Variants in PTPRD observed in about 807,000 individuals in gnomAD.
The protein encoded by PTPRD is protein tyrosine phosphatase receptor type D.
In PTPRD, 34 loss-of-function variants were observed where a neutral mutation model predicts 214.5. That is an observed-to-expected ratio of 0.16 (90% CI 0.12 to 0.21). The LOEUF is 0.21. Among genes scored for constraint, PTPRD ranks in the 10% least tolerant of loss-of-function variants. PTPRD has a pLI of 1.00. For missense variants in PTPRD, 2,545 were observed against 2,398.7 expected (o/e 1.06, Z -1.27); for synonymous variants, 1,128 against 845.7 (o/e 1.33, Z -5.79).
rs753847764 is a variant in PTPRD, at chr9:10,503,193, C to CAAAAAAAAA, written c.-600+109196_-600+109204dup. 6.7e-3 allele frequency among the ~76,000 whole-genome samples: 463 copies of CAAAAAAAAA among 68,932 alleles called. 53 individuals are homozygous for CAAAAAAAAA. The highest frequency in any genetic ancestry group is 0.01 in the South Asian group (13 of 1,272). The allele number at this position is 68,932 out of a possible 152,430, so 45.2% of individuals were successfully genotyped here. A position where few individuals can be genotyped will look rare whatever the true frequency, so the allele number is the denominator to read the frequency against. Reference sequence around the variant, plus strand: ...AATTCATTGAGACACAGCTGCAATACAAAAAAAAAAAAAACAAAAAAAAAC... The same window carrying CAAAAAAAAA: ...AATTCATTGAGACACAGCTGCAATACAAAAAAAAAAAAAAAAAAAAAAACAAAAAAAAAC... On this transcript the variant is annotated intron_variant, in intron 2 of 45. Transcript: ENST00000381196.
intron 3 of PTPRD, among the ~76,000 whole-genome samples, chr9:10,274,436 T>A (rs750667421): frequency 3.9e-5 from 6 of 152,156 alleles, no homozygotes; most frequent in Non-Finnish European, 8.8e-5. Context: ...AATAGTTTCC[T>A]GCAACCATTA....
intron 12 of PTPRD, among the ~76,000 whole-genome samples, chr9:8,661,251 A>C (rs2154354398): frequency 6.6e-6 from 1 of 152,246 alleles, no homozygotes; most frequent in East Asian, 1.9e-4. Flanking sequence ...AAAATCCTAA[A>C]GGAGAAATCG....
intron 3 of PTPRD, among the ~76,000 whole-genome samples, chr9:10,050,177 G>C (rs1225679851): frequency 1.3e-5 from 2 of 152,012 alleles, no homozygotes; most frequent in Non-Finnish European, 2.9e-5. Context: ...GGGTGACTAA[G>C]AAAAGAGGAA....
chr9:10,281,462 C>T (rs2095107928), intron 3 of PTPRD, among the ~76,000 whole-genome samples: 1 of 151,992 alleles, frequency 6.6e-6, no homozygotes, highest in South Asian at 2.1e-4. Context: ...CACCTAATAT[C>T]CAAAAGCTAC....
intron 4 of PTPRD, among the ~76,000 whole-genome samples, chr9:9,956,604 A>T (rs1318735458): frequency 6.6e-6 from 1 of 152,162 alleles, no homozygotes; most frequent in Non-Finnish European, 1.5e-5. Context: ...TTAATCTAGT[A>T]TTAAATACTT....
intron 11 of PTPRD, among the ~76,000 whole-genome samples, chr9:8,912,531 C>A (rs1243006907): frequency 6.6e-6 from 1 of 151,982 alleles, no homozygotes; most frequent in Non-Finnish European, 1.5e-5. Context: ...AAAACAGGAA[C>A]TTTTGGGGTG....
chr9:8,845,306 T>C (rs974420330), intron 11 of PTPRD, among the ~76,000 whole-genome samples: 5 of 152,200 alleles, frequency 3.3e-5, no homozygotes, highest in African/African-American at 1.2e-4. Context: ...TGGCAAAGCT[T>C]TCCTTCAGTC....
chr9:10,504,686 G>C (rs561018543), intron 2 of PTPRD, among the ~76,000 whole-genome samples: 1 of 152,134 alleles, frequency 6.6e-6, no homozygotes, highest in African/African-American at 2.4e-5. Flanking sequence ...TATAGAGAAA[G>C]AAACTGAGAT....
At chr9:10,379,156 T>A (rs1044385745) in intron 2 of PTPRD, among the ~76,000 whole-genome samples, 11 of 151,898 alleles carry the variant, frequency 7.2e-5, no homozygotes, top group Non-Finnish European at 1.3e-4. Context: ...TGATTTTTTT[T>A]AATTTTACTA....
At position 9,893,041 on chromosome 9, in the gene PTPRD, T is replaced by C. The variant is rs80289635; in HGVS notation, c.-368+45466A>G. On this transcript the variant is annotated intron_variant, in intron 5 of 45. Coordinates refer to ENST00000381196, the MANE Select transcript of PTPRD (RefSeq NM_002839.4). ...TGGACATCAGACACTCACTTAGATA[T>C]GCTGAGTAGGCAGTGGGAAGTAAGA... Among the ~76,000 whole-genome samples the C allele has an allele frequency of 5.0e-3, 766 of 152,194 alleles. 10 individuals are homozygous for C. The highest frequency in any genetic ancestry group is 0.017 in the African/African-American group (721 of 41,564).
At chr9:8,481,923 C>T (rs540139595) in intron 30 of PTPRD, among the ~76,000 whole-genome samples, 3 of 152,274 alleles carry the variant, frequency 2.0e-5, no homozygotes, top group Admixed American at 6.5e-5. Context: ...GCTGGGATTA[C>T]AGGCATGCGC....
At chr9:9,808,926 A>G (rs10977999) in intron 5 of PTPRD, among the ~76,000 whole-genome samples, 34,970 of 149,668 alleles carry the variant, frequency 0.23, 4,640 homozygotes, top group African/African-American at 0.37. Context: ...ACATGCCACA[A>G]TGCCTGGCTA....
chr9:10,121,437 T>C (rs576073338), intron 3 of PTPRD, among the ~76,000 whole-genome samples: 2 of 152,278 alleles, frequency 1.3e-5, no homozygotes, highest in East Asian at 3.9e-4. Context: ...AAAAGTGTTG[T>C]CATTGATAAG....
At chr9:10,126,276 C>T (rs780268888) in intron 3 of PTPRD, among the ~76,000 whole-genome samples, 2 of 152,038 alleles carry the variant, frequency 1.3e-5, no homozygotes, top group Admixed American at 1.3e-4. Context: ...ATGGCATTTA[C>T]GTATTGTACC....
intron 5 of PTPRD, among the ~76,000 whole-genome samples, chr9:9,860,395 A>G (rs72692713): frequency 0.013 from 1,983 of 152,316 alleles, 25 homozygotes; most frequent in Non-Finnish European, 0.019. Context: ...TCTGCATATA[A>G]AGTAGGTACA....
In PTPRD at chr9:10,453,057, A is replaced by T. The variant is rs77277768; in HGVS notation, c.-599-112040T>A. ...TATGTGAATATATAATTTTCTTAAC[A>T]TCATTTATTGATCATCCTATCTTTT... On this transcript the variant is annotated intron_variant, in intron 2 of 45. Coordinates refer to ENST00000381196, the MANE Select transcript of PTPRD (RefSeq NM_002839.4). Among the ~76,000 whole-genome samples the T allele has an allele frequency of 6.7e-3, 1,014 of 151,780 alleles. 6 individuals carry two copies. Among genetic ancestry groups the T allele is most frequent in the African/African-American group, 0.023 (962 of 41,524 alleles).
chr9:9,962,398 A>T (rs1566763070), intron 4 of PTPRD, among the ~76,000 whole-genome samples: 1 of 152,130 alleles, frequency 6.6e-6, no homozygotes, highest in Non-Finnish European at 1.5e-5. Flanking sequence ...TTTCCTATCT[A>T]TCCAGCTAAA....
chr9:9,713,211 C>G (rs373001837), intron 7 of PTPRD, among the ~76,000 whole-genome samples: 3 of 152,140 alleles, frequency 2.0e-5, no homozygotes, highest in South Asian at 4.1e-4. Context: ...TGTATTAATA[C>G]AATACTCTAT....
intron 8 of PTPRD, among the ~76,000 whole-genome samples, chr9:9,409,057 T>C (rs1046974649): frequency 6.6e-6 from 1 of 151,988 alleles, no homozygotes; most frequent in African/African-American, 2.4e-5. Context: ...ATAACTTTTC[T>C]GAAATGTGTC....
Sources: gnomAD v4.1 joint callset for allele counts (sites outside exome capture counted in the v4.1 genomes callset) on GRCh38, gnomAD v4.1.1 for gene constraint, MANE v1.5 for transcripts, NCBI Gene and HGNC (gene_info 2026-07-23, HGNC 2026-07-21) for gene names.